Variants in CIMAP2 observed in about 807,000 individuals in gnomAD.
CIMAP2 encodes the protein ciliary microtubule-associated protein 2.
At chr1:54,811,774 C>CCCA in the CIMAP2 span, 2 of 476,590 alleles carry the variant, frequency 4.2e-6, no homozygotes, top group Non-Finnish European at 8.2e-6. Context: ...AGCCTCCATG[C>CCCA]CCCCACCCCC....
the CIMAP2 span, among the ~76,000 whole-genome samples, chr1:54,840,001 C>T: frequency 6.6e-6 from 1 of 151,882 alleles, no homozygotes; most frequent in Non-Finnish European, 1.5e-5. Context: ...CCACCCACCT[C>T]AGCCTCCCAG....
the CIMAP2 span, chr1:54,812,043 T>C: frequency 6.2e-7 from 1 of 1,614,176 alleles, no homozygotes; most frequent in African/African-American, 1.3e-5. Context: ...TGCTGTGCTC[T>C]AGGGGAGTGG....
chr1:54,823,227 G>A, the CIMAP2 span, among the ~76,000 whole-genome samples: 15 of 151,864 alleles, frequency 9.9e-5, no homozygotes, highest in African/African-American at 3.1e-4. Flanking sequence ...AATATTATTT[G>A]CCTTATGTAT....
chr1:54,812,314 A>C, the CIMAP2 span: 1 of 1,356,876 alleles, frequency 7.4e-7, no homozygotes, highest in Non-Finnish European at 1.0e-6. Flanking sequence ...ACACCCCCTC[A>C]CTTCACCCTC....
the CIMAP2 span, among the ~76,000 whole-genome samples, chr1:54,841,373 G>A: frequency 6.6e-6 from 1 of 152,176 alleles, no homozygotes; most frequent in Non-Finnish European, 1.5e-5. Context: ...TTCCACTCAT[G>A]GGAAAGAATT....
At chr1:54,836,508 C>T in the CIMAP2 span, among the ~76,000 whole-genome samples, 4 of 150,140 alleles carry the variant, frequency 2.7e-5, no homozygotes, top group Non-Finnish European at 5.9e-5. Flanking sequence ...CAGGGAGAAA[C>T]GTTGGCCTTG....
At chr1:54,835,239 T>G in the CIMAP2 span, among the ~76,000 whole-genome samples, 1 of 152,264 alleles carries the variant, frequency 6.6e-6, no homozygotes, top group Admixed American at 6.5e-5. Flanking sequence ...TCACCCAGGG[T>G]GGAGTGCAGT....
At chr1:54,837,400 T>C in the CIMAP2 span, among the ~76,000 whole-genome samples, 1 of 152,250 alleles carries the variant, frequency 6.6e-6, no homozygotes, top group South Asian at 2.1e-4. Context: ...CTTAGCTGTG[T>C]GGCCCTGAGC....
chr1:54,829,892 T>C, the CIMAP2 span, among the ~76,000 whole-genome samples: 1 of 152,172 alleles, frequency 6.6e-6, no homozygotes, highest in Non-Finnish European at 1.5e-5. Flanking sequence ...AAATCTCATT[T>C]TTCTGTATGT....
the CIMAP2 span, among the ~76,000 whole-genome samples, chr1:54,809,160 A>C: frequency 9.9e-5 from 15 of 152,276 alleles, 1 homozygote; most frequent in African/African-American, 1.4e-4. Flanking sequence ...ATTCTTTGCA[A>C]TCACTCCAGA....
chr1:54,827,405 C>T, the CIMAP2 span, among the ~76,000 whole-genome samples: 1 of 152,166 alleles, frequency 6.6e-6, no homozygotes, highest in African/African-American at 2.4e-5. Context: ...GAAGGGTGCC[C>T]CATCCCCGCA....
chr1:54,830,036 G>A, the CIMAP2 span, among the ~76,000 whole-genome samples: 3 of 152,106 alleles, frequency 2.0e-5, no homozygotes, highest in Non-Finnish European at 2.9e-5. This position sits in a 1 kb window ranked among gnomAD's most constrained non-coding sequence, Gnocchi z 4.1. Flanking sequence ...TCCACCACAC[G>A]ATGATCAAGC....
the CIMAP2 span, among the ~76,000 whole-genome samples, chr1:54,835,448 C>G: frequency 6.6e-6 from 1 of 152,126 alleles, no homozygotes; most frequent in African/African-American, 2.4e-5. Context: ...CTCGGCCTCC[C>G]AAAGTCCTGG....
the CIMAP2 span, chr1:54,841,772 CTTT>C: frequency 1.2e-5 from 20 of 1,605,866 alleles, no homozygotes; most frequent in Non-Finnish European, 1.6e-5. Flanking sequence ...GGATCACTTC[CTTT>C]TTTAATTTTT....
At chr1:54,811,765 G>GCCGGGGGGGGGCCCCCCCCCC in the CIMAP2 span, 37 of 1,301,248 alleles carry the variant, frequency 2.8e-5, no homozygotes, top group Non-Finnish European at 3.3e-5. Context: ...GGTTCTGACA[G>GCCGGGGGGGGGCCCCCCCCCC]CCTCCATGCC....
At chr1:54,811,765 G>GCCGGGGGGGGGGCGCCCCCCC in the CIMAP2 span, 4 of 1,301,324 alleles carry the variant, frequency 3.1e-6, no homozygotes, top group Non-Finnish European at 4.4e-6. Flanking sequence ...GGTTCTGACA[G>GCCGGGGGGGGGGCGCCCCCCC]CCTCCATGCC....
At chr1:54,812,500 A>G in the CIMAP2 span, among the ~76,000 whole-genome samples, 1 of 152,238 alleles carries the variant, frequency 6.6e-6, no homozygotes, top group Non-Finnish European at 1.5e-5. Context: ...CCACAGTGCC[A>G]GGGGAGCTTG....
At chr1:54,821,208 G>C in the CIMAP2 span, among the ~76,000 whole-genome samples, 103 of 129,998 alleles carry the variant, frequency 7.9e-4, no homozygotes, top group Middle Eastern at 8.3e-3. Context: ...TGATTCTTTT[G>C]CTGTGCAAAA....
the CIMAP2 span, among the ~76,000 whole-genome samples, chr1:54,823,428 A>AT: frequency 2.7e-5 from 4 of 150,482 alleles, 1 homozygote; most frequent in African/African-American, 9.8e-5. Flanking sequence ...TTTGTGGAAT[A>AT]TTTTTTTCCA....
Sources: allele counts gnomAD v4.1 joint callset (sites outside exome capture counted in the v4.1 genomes callset), GRCh38; gene constraint gnomAD v4.1.1; non-coding constraint Gnocchi (gnomAD v3.1); transcripts MANE v1.5; gene names NCBI Gene and HGNC (gene_info 2026-07-23, HGNC 2026-07-21).